Variants in ZNF366 observed in about 807,000 individuals in gnomAD.
The protein encoded by ZNF366 is dendritic cell-specific transcript protein.
A neutral mutation model predicts 47.2 loss-of-function variants in ZNF366; 20 were observed. The ratio of observed to expected loss-of-function variants is 0.42; its 90% CI spans 0.30 to 0.62. The LOEUF is 0.62. Ranked by LOEUF, ZNF366 falls within the 20% of genes least tolerant of loss-of-function variation. The pLI, the probability that ZNF366 is intolerant of heterozygous loss-of-function variation, is 0.16. For synonymous variants in ZNF366, 421 were observed against 395.1 expected (o/e 1.07, Z -0.78); for missense variants, 987 against 976.3 (o/e 1.01, Z -0.15).
At chr5:72,451,301 C>G (rs897435765) in intron 3 of ZNF366, among the ~76,000 whole-genome samples, 1 of 152,328 alleles carries the variant, frequency 6.6e-6, no homozygotes, top group East Asian at 1.9e-4. Context: ...TCTCCATCCA[C>G]CCGCTTTTTA....
intron 1 of ZNF366, among the ~76,000 whole-genome samples, chr5:72,490,845 A>G (rs750455493): frequency 3.9e-5 from 6 of 152,230 alleles, no homozygotes; most frequent in Non-Finnish European, 7.3e-5. Context: ...CTTGAGCATG[A>G]TAGTTGCTGT....
intron 1 of ZNF366, among the ~76,000 whole-genome samples, chr5:72,480,562 C>T (rs1244282398): frequency 6.6e-6 from 1 of 152,090 alleles, no homozygotes; most frequent in African/African-American, 2.4e-5. Context: ...AAAAGGAGTA[C>T]ATTAGATAAC....
At chr5:72,488,067 G>A (rs1743926848) in intron 1 of ZNF366, among the ~76,000 whole-genome samples, 1 of 152,094 alleles carries the variant, frequency 6.6e-6, no homozygotes, top group Admixed American at 6.5e-5. Context: ...AATTAGCCAG[G>A]TGTGGTCATG....
At chr5:72,462,507 T>TTTTCTTTC (rs765498463) in intron 1 of ZNF366, among the ~76,000 whole-genome samples, 2,169 of 82,456 alleles carry the variant, frequency 0.026, 65 homozygotes, top group Middle Eastern at 0.051. Flanking sequence ...TCCTTGCCAG[T>TTTTCTTTC]TTTCTTTCTT....
At chr5:72,500,300 A>G (rs1026794514) in intron 1 of ZNF366, among the ~76,000 whole-genome samples, 3 of 152,214 alleles carry the variant, frequency 2.0e-5, no homozygotes, top group African/African-American at 4.8e-5. Context: ...GAAAAAAGCT[A>G]AACTATTTTT....
intron 3 of ZNF366, among the ~76,000 whole-genome samples, chr5:72,448,273 T>C (rs962500401): frequency 9.2e-5 from 14 of 152,056 alleles, no homozygotes; most frequent in African/African-American, 3.4e-4. Context: ...GAAGTAAGCA[T>C]GTTTTATACT....
chr5:72,497,231 A>T (rs1744132576), intron 1 of ZNF366, among the ~76,000 whole-genome samples: 1 of 152,126 alleles, frequency 6.6e-6, no homozygotes, highest in Non-Finnish European at 1.5e-5. Context: ...AGTTACAAAG[A>T]TTTTCTCCTG....
intron 1 of ZNF366, among the ~76,000 whole-genome samples, chr5:72,487,180 C>T (rs991176841): frequency 2.0e-5 from 3 of 152,180 alleles, no homozygotes; most frequent in Non-Finnish European, 4.4e-5. Flanking sequence ...ATAATGCTAC[C>T]GGAGAGTTTC....
chr5:72,477,415 T>G (rs1401022731), intron 1 of ZNF366, among the ~76,000 whole-genome samples: 2 of 152,186 alleles, frequency 1.3e-5, no homozygotes, highest in Admixed American at 1.3e-4. Flanking sequence ...ATGGCTGATC[T>G]TAAGAAAACA....
intron 4 of ZNF366, 73 bp from the exon 5 acceptor site, chr5:72,444,364 GC>G: frequency 1.3e-6 from 2 of 1,505,122 alleles, no homozygotes. Flanking sequence ...AAGGGGAGCA[GC>G]CCGGGGCCGT....
intron 3 of ZNF366, among the ~76,000 whole-genome samples, chr5:72,449,281 TGTTGTCAAGGCTGGA>T (rs1324989986): frequency 2.0e-5 from 3 of 150,810 alleles, no homozygotes; most frequent in Admixed American, 1.3e-4. Flanking sequence ...AGTCTCGCTC[TGTTGTCAAGGCTGGA>T]GTGCAGTGGT....
chr5:72,442,651 CTTTTTTTTT>C lies in ZNF366; in HGVS notation c.*1096_*1104del, dbSNP rs569900355. ...GGTGACAAGTCTTCCTGCATCTGTCCTTTTTTTTTTTTTTTTTTTTTTGAGGCAGAGTCT... is the reference window on the plus strand; with the variant it reads ...GGTGACAAGTCTTCCTGCATCTGTCCTTTTTTTTTTTTTGAGGCAGAGTCT... On this transcript the variant is annotated 3_prime_UTR_variant, in exon 5 of 5. Coordinates refer to ENST00000318442, the MANE Select transcript of ZNF366 (RefSeq NM_152625.3). 13 of 91,624 alleles carry C rather than the reference CTTTTTTTTT, an allele frequency of 1.4e-4. No homozygotes were observed. The highest frequency in any genetic ancestry group is 4.4e-4 in the African/African-American group (11 of 25,030). 5.7% of individuals were successfully genotyped at this position (91,624 alleles called of 1,614,324 possible). A position where few individuals can be genotyped will look rare whatever the true frequency, so the allele number is the denominator to read the frequency against.
chr5:72,473,541 AC>A (rs1440181819), intron 1 of ZNF366, among the ~76,000 whole-genome samples: 4 of 152,228 alleles, frequency 2.6e-5, no homozygotes, highest in Non-Finnish European at 5.9e-5. Flanking sequence ...ACAATTAGCT[AC>A]AAGAGGCATA....
At chr5:72,459,119 A>G (rs1230072682) in intron 2 of ZNF366, among the ~76,000 whole-genome samples, 1 of 152,180 alleles carries the variant, frequency 6.6e-6, no homozygotes, top group African/African-American at 2.4e-5. Flanking sequence ...CAAGGCAGCC[A>G]CACATTTCAT....
intron 1 of ZNF366, among the ~76,000 whole-genome samples, chr5:72,464,060 G>T (rs1743386017): frequency 6.6e-6 from 1 of 152,098 alleles, no homozygotes; most frequent in East Asian, 1.9e-4. Flanking sequence ...AACCATTGCA[G>T]AGCCCATCGA....
chr5:72,474,253 G>A (rs957909145), intron 1 of ZNF366, among the ~76,000 whole-genome samples: 1 of 152,148 alleles, frequency 6.6e-6, no homozygotes, highest in Admixed American at 6.5e-5. Context: ...CACCACAAAG[G>A]CCAATTAAAA....
At chr5:72,460,040 C>T (rs1253548482) in intron 2 of ZNF366, 125 bp downstream of exon 2, 3 of 1,321,448 alleles carry the variant, frequency 2.3e-6, no homozygotes, top group African/African-American at 1.5e-5. Flanking sequence ...ACCGCTTGTC[C>T]GGGGTTGCCC....
Position 72,461,273 on chromosome 5 carries a change from C to T in ZNF366, c.224G>A (p.Gly75Glu), listed in dbSNP as rs762722295. The T allele has an allele frequency of 5.0e-6, 8 of 1,614,052 alleles. No individual in the cohort carries two copies. The East Asian group carries it at 1.6e-4, about 31-fold the overall frequency. The change falls in exon 2 of 5, where the codon GGG (glycine) becomes GAG (glutamate). Residue 75 changes from glycine to glutamate, a missense_variant. Around this residue, in one of 3 missense-constraint regions of ZNF366, gnomAD observed 591 missense variants for 560.9 expected, o/e 1.05. Transcript: ENST00000318442. The stretch of plus-strand genomic sequence containing the variant: ...GGGCATGCTCTTCCGTTTCCTAGAC[C>T]CTGCTCCTTCGAAGACCCCGGGGAA... ...DGFPGVFEGA[G>E]SRKRKSMPTK...
intron 1 of ZNF366, among the ~76,000 whole-genome samples, chr5:72,468,552 C>T (rs1033301839): frequency 6.6e-6 from 1 of 152,154 alleles, no homozygotes; most frequent in Non-Finnish European, 1.5e-5. Context: ...TTTAAATTGT[C>T]CATAATGAAC....
Sources: allele counts gnomAD v4.1 joint callset (sites outside exome capture counted in the v4.1 genomes callset), GRCh38; gene constraint gnomAD v4.1.1; regional missense constraint gnomAD v4.1.1; transcripts MANE v1.5; gene names NCBI Gene and HGNC (gene_info 2026-07-23, HGNC 2026-07-21).